SDK1: variants seen among roughly 807,000 people sequenced by gnomAD.
The protein encoded by SDK1 is protein sidekick-1.
SDK1 carries 157 observed loss-of-function variants against 245.5 expected under a neutral mutation model. That is an observed-to-expected ratio of 0.64 (90% CI 0.56 to 0.73). SDK1 has a LOEUF of 0.73. SDK1 is among the 30% of genes least tolerant of loss of function. The pLI, the probability that SDK1 is intolerant of heterozygous loss-of-function variation, is 0.00. For missense variants in SDK1, 3,583 were observed against 3,002.3 expected (o/e 1.19, Z -4.52); for synonymous variants, 1,647 against 1,278.5 (o/e 1.29, Z -6.15).
At chr7:4,210,339 G>C (rs981818976) in intron 38 of SDK1, among the ~76,000 whole-genome samples, 177 bp downstream of exon 38, 3 of 152,194 alleles carry the variant, frequency 2.0e-5, no homozygotes, top group African/African-American at 7.2e-5. Context: ...AGGGGAGCGG[G>C]GACTCGCGGG....
At chr7:3,487,249 G>C (rs1030605433) in intron 1 of SDK1, among the ~76,000 whole-genome samples, 1 of 152,150 alleles carries the variant, frequency 6.6e-6, no homozygotes, top group Non-Finnish European at 1.5e-5. Context: ...GTATATGTCT[G>C]TTAACCTTTT....
intron 1 of SDK1, among the ~76,000 whole-genome samples, chr7:3,509,339 G>T (rs920447278): frequency 6.6e-6 from 1 of 152,008 alleles, no homozygotes; most frequent in South Asian, 2.1e-4. Context: ...GAGCTGCTTG[G>T]GTTTGAATCC....
chr7:3,585,702 G>A (rs946850657), intron 1 of SDK1, among the ~76,000 whole-genome samples: 4 of 152,290 alleles, frequency 2.6e-5, no homozygotes, highest in African/African-American at 7.2e-5. Context: ...AGTTTGGTAG[G>A]GGAGGGAAGA....
At chr7:3,733,326 G>T (rs1252132549) in intron 4 of SDK1, among the ~76,000 whole-genome samples, 1 of 152,190 alleles carries the variant, frequency 6.6e-6, no homozygotes, top group East Asian at 1.9e-4. Context: ...TCCTAAATAT[G>T]TGCAGGTAGG....
intron 5 of SDK1, among the ~76,000 whole-genome samples, chr7:3,837,888 T>C (rs553742082): frequency 1.4e-4 from 22 of 152,348 alleles, no homozygotes; most frequent in African/African-American, 5.3e-4. Flanking sequence ...CTAGTCAAAC[T>C]GGCCACATGA....
At chr7:3,890,195 C>T (rs1781427290) in intron 5 of SDK1, among the ~76,000 whole-genome samples, 1 of 152,208 alleles carries the variant, frequency 6.6e-6, no homozygotes, top group South Asian at 2.1e-4. Flanking sequence ...GTGCTCTTTT[C>T]ACCTGTGGCC....
chr7:3,473,188 C>G (rs1284379279), intron 1 of SDK1, among the ~76,000 whole-genome samples: 3 of 152,182 alleles, frequency 2.0e-5, no homozygotes, highest in Non-Finnish European at 2.9e-5. Flanking sequence ...AACCAGTGAA[C>G]TAATTTACAA....
At chr7:3,442,916 C>T (rs149424920) in intron 1 of SDK1, among the ~76,000 whole-genome samples, 1 of 152,250 alleles carries the variant, frequency 6.6e-6, no homozygotes, top group East Asian at 1.9e-4. Flanking sequence ...CGTTTTGCCC[C>T]AGTCTTCTTT....
At chr7:4,157,366 G>A (rs13231879) in intron 30 of SDK1, among the ~76,000 whole-genome samples, 57,074 of 103,132 alleles carry the variant, frequency 0.55, 13,962 homozygotes, top group East Asian at 0.79. Flanking sequence ...AGTGGGAAGG[G>A]AGGAAGAAGG....
chr7:3,967,105 C>G, intron 9 of SDK1, among the ~76,000 whole-genome samples: 3 of 152,282 alleles, frequency 2.0e-5, no homozygotes, highest in East Asian at 3.9e-4. Context: ...TACATCGTGA[C>G]GCTGTATTTT....
intron 1 of SDK1, among the ~76,000 whole-genome samples, chr7:3,330,312 G>T (rs748702320): frequency 6.6e-6 from 1 of 152,152 alleles, no homozygotes; most frequent in African/African-American, 2.4e-5. Flanking sequence ...CAGTGTGTGA[G>T]GGTTCCAATT....
At position 3,957,775 on chromosome 7, in the gene SDK1, G is replaced by T. The variant is rs186618677; in HGVS notation, c.1151-1156G>T. Among the ~76,000 whole-genome samples, 226 of 152,292 alleles carry T rather than the reference G, an allele frequency of 1.5e-3. 1 individual carries two copies. Among genetic ancestry groups the T allele is most frequent in the African/African-American group, 5.3e-3 (221 of 41,552 alleles). Reference sequence around the variant, plus strand: ...GTGCAATGAAGATGAGCTTGAAAAAGGTAGACATTAAATGCTGGCAATATT... The same window carrying T: ...GTGCAATGAAGATGAGCTTGAAAAATGTAGACATTAAATGCTGGCAATATT... On this transcript the variant is annotated intron_variant, in intron 7 of 44. Coordinates refer to ENST00000404826, the MANE Select transcript of SDK1 (RefSeq NM_152744.4).
intron 34 of SDK1, among the ~76,000 whole-genome samples, chr7:4,176,657 C>A (rs1037594214): frequency 6.6e-6 from 1 of 152,208 alleles, no homozygotes. Flanking sequence ...TTATACCCCT[C>A]CCCACCAGCA....
intron 1 of SDK1, among the ~76,000 whole-genome samples, chr7:3,447,636 G>A (rs554681889): frequency 1.7e-3 from 253 of 150,630 alleles, no homozygotes; most frequent in African/African-American, 6.0e-3. Flanking sequence ...GTGGCTTCCT[G>A]TGAGGTATTG....
At chr7:3,805,976 A>G (rs1383481630) in intron 4 of SDK1, among the ~76,000 whole-genome samples, 1 of 151,878 alleles carries the variant, frequency 6.6e-6, no homozygotes, top group Non-Finnish European at 1.5e-5. Context: ...TTCTCTCCTC[A>G]GTGTGAATTT....
At chr7:3,884,498 A>G (rs1396555421) in intron 5 of SDK1, among the ~76,000 whole-genome samples, 1 of 152,198 alleles carries the variant, frequency 6.6e-6, no homozygotes, top group Non-Finnish European at 1.5e-5. Flanking sequence ...CAGTGAGAGC[A>G]GTTAGCGCCG....
intron 44 of SDK1, among the ~76,000 whole-genome samples, chr7:4,253,962 G>A (rs1224484440): frequency 2.0e-5 from 3 of 151,560 alleles, no homozygotes; most frequent in Non-Finnish European, 4.4e-5. Flanking sequence ...TGATTTCCTT[G>A]TTTTTGCTTT....
At chr7:4,208,074 C>A in intron 36 of SDK1, 25 bp from the exon 37 acceptor site, 1 of 1,590,998 alleles carries the variant, frequency 6.3e-7, no homozygotes, top group Non-Finnish European at 8.6e-7. Flanking sequence ...CAGGACCCAC[C>A]CCAACCTCTT....
chr7:4,097,397 G>A (rs950560287), intron 22 of SDK1, among the ~76,000 whole-genome samples: 1 of 152,230 alleles, frequency 6.6e-6, no homozygotes, highest in Non-Finnish European at 1.5e-5. Context: ...GAGCAGTGCC[G>A]CATCTCCCCT....
Sources: allele counts gnomAD v4.1 joint callset (sites outside exome capture counted in the v4.1 genomes callset), GRCh38; gene constraint gnomAD v4.1.1; transcripts MANE v1.5; gene names NCBI Gene and HGNC (gene_info 2026-07-23, HGNC 2026-07-21).